The following AFAP1 variants were observed in gnomAD, a reference collection of about 807,000 sequenced individuals.
AFAP1 encodes actin filament associated protein 1.
In AFAP1, 75 loss-of-function variants were observed where a neutral mutation model predicts 93.9. The ratio of observed to expected loss-of-function variants is 0.80; its 90% CI spans 0.66 to 0.97. The LOEUF is 0.97. Ranked by LOEUF, AFAP1 falls within the 50% of genes least tolerant of loss-of-function variation. AFAP1 has a pLI of 0.00. For missense variants in AFAP1, 1,201 were observed against 1,050.8 expected, an observed-to-expected ratio of 1.14 and a Z score of -1.98; for synonymous variants, 517 against 430.7, an observed-to-expected ratio of 1.20 and a Z score of -2.48.
At chr4:7,765,021 G>T (rs1714359986) in intron 17 of AFAP1, among the ~76,000 whole-genome samples, 1 of 152,180 alleles carries the variant, frequency 6.6e-6, no homozygotes, top group Non-Finnish European at 1.5e-5. Flanking sequence ...CGAGAGGATT[G>T]CTTGAGCCCA....
At chr4:7,890,234 G>A (rs1357284846) in intron 1 of AFAP1, among the ~76,000 whole-genome samples, 2 of 152,012 alleles carry the variant, frequency 1.3e-5, no homozygotes, top group Non-Finnish European at 2.9e-5. Flanking sequence ...ACACATAAAC[G>A]GTCAACTGAC....
chr4:7,821,086 C>T (rs1038819876), intron 6 of AFAP1, among the ~76,000 whole-genome samples: 5 of 152,162 alleles, frequency 3.3e-5, no homozygotes, highest in African/African-American at 1.2e-4. Context: ...CCACTGCACT[C>T]CAGCCTGGGC....
In AFAP1 at chr4:7,939,318, G is replaced by C. The variant is rs572339253; in HGVS notation, c.-3+338C>G. The C allele has an allele frequency of 3.2e-6, 1 of 315,474 alleles. No homozygotes were observed. The highest frequency in any genetic ancestry group is 2.4e-5 in the South Asian group (1 of 42,512). The allele number at this position is 315,474 out of a possible 1,614,324, so 19.5% of individuals were successfully genotyped here. On this transcript the variant is annotated intron_variant, in intron 1 of 17. Coordinates refer to ENST00000420658, the MANE Select transcript of AFAP1 (RefSeq NM_001134647.2). This position sits in a 1 kb window ranked among gnomAD's most constrained non-coding sequence, Gnocchi z 5.6. ...TGGTGACCCGGACCCCGCCCCACGA[G>C]TGGGTCTTCGCAGGGCCCCCTCTGA... is the stretch of plus-strand genomic sequence containing the variant.
Position 7,763,315 on chromosome 4 carries a change from C to T in AFAP1, c.*450G>A, listed in dbSNP as rs561644182. ...TGGCCCTCCTGGTGGGCGTGCAAGG[C>T]GAGCCCAGTGCCCATGGCCAGCCAC... On this transcript the variant is annotated 3_prime_UTR_variant, in exon 18 of 18. Transcript: ENST00000420658. 146 of 175,008 alleles carry T rather than the reference C, an allele frequency of 8.3e-4. 1 individual carries two copies. The highest frequency in any genetic ancestry group is 1.1e-3 in the Non-Finnish European group (92 of 85,652). The allele number at this position is 175,008 out of a possible 1,614,324, so 10.8% of individuals were successfully genotyped here.
intron 1 of AFAP1, among the ~76,000 whole-genome samples, chr4:7,893,363 G>A (rs1368529476): frequency 6.6e-6 from 1 of 152,126 alleles, no homozygotes; most frequent in East Asian, 1.9e-4. Flanking sequence ...GGCGGATCAC[G>A]ACGTTAGGAG....
chr4:7,797,975 G>A (rs1013521932), intron 10 of AFAP1, among the ~76,000 whole-genome samples: 15 of 152,204 alleles, frequency 9.9e-5, no homozygotes, highest in African/African-American at 2.2e-4. Context: ...GGTGAAGGGC[G>A]CACAGGCATC....
At chr4:7,915,206 C>A (rs73214041) in intron 1 of AFAP1, among the ~76,000 whole-genome samples, 46,722 of 149,850 alleles carry the variant, frequency 0.31, 8,972 homozygotes, top group Non-Finnish European at 0.44. Flanking sequence ...TACATTCCCC[C>A]CTACGGTGCG....
intron 8 of AFAP1, among the ~76,000 whole-genome samples, chr4:7,812,592 C>CA (rs1720143317): frequency 6.6e-6 from 1 of 152,044 alleles, no homozygotes; most frequent in South Asian, 2.1e-4. Flanking sequence ...AAGAAAAACT[C>CA]AACACTCAGA....
At position 7,778,794 on chromosome 4, in the gene AFAP1, T is replaced by A. The variant is rs748702939; in HGVS notation, c.1865A>T (p.Asp622Val). The change falls in exon 14 of 18, where the codon GAT becomes GTT. Residue 622 changes from aspartate (D) to valine (V), a missense_variant. Asp to Val is a radical substitution (Grantham distance 152, BLOSUM62 -3). Transcript: ENST00000420658. ...CGTCCTTTTCACAACAGCCGCGGGA[T>A]CCGCTTTCTTTGGCTGACTGCTCAG... ...KTLSSQPKKA[D>V]PAAVVKRTGS... 6.2e-7 allele frequency: 1 copy of A among 1,614,088 alleles called. No homozygotes were observed. Among genetic ancestry groups the A allele is most frequent in the African/African-American group, 1.3e-5 (1 of 74,922 alleles).
At chr4:7,834,281 A>G (rs1712007817) in intron 6 of AFAP1, among the ~76,000 whole-genome samples, 1 of 152,232 alleles carries the variant, frequency 6.6e-6, no homozygotes. Context: ...GTGGGAGCTA[A>G]GCTATGAGGA....
chr4:7,793,508 T>C (rs916589939), intron 11 of AFAP1, among the ~76,000 whole-genome samples, 173 bp downstream of exon 11: 2 of 152,232 alleles, frequency 1.3e-5, no homozygotes, highest in Non-Finnish European at 2.9e-5. Flanking sequence ...GAAAACCCAG[T>C]GGGCTGACAC....
intron 4 of AFAP1, 70 bp from the exon 5 acceptor site, chr4:7,843,420 C>T: frequency 1.4e-6 from 2 of 1,380,970 alleles, no homozygotes; most frequent in African/African-American, 1.5e-5. Flanking sequence ...GGCTCAAGAG[C>T]ACGTCCTCTT....
chr4:7,912,065 A>G (rs905063247), intron 1 of AFAP1, among the ~76,000 whole-genome samples: 3 of 152,250 alleles, frequency 2.0e-5, no homozygotes, highest in Admixed American at 1.3e-4. Context: ...AAGTCCACAC[A>G]GACCCAGGAT....
At chr4:7,793,552 T>C in intron 11 of AFAP1, 129 bp downstream of exon 11, 1 of 1,103,034 alleles carries the variant, frequency 9.1e-7, no homozygotes. Flanking sequence ...TGGCTTAAGA[T>C]AATGCAAAAG....
chr4:7,820,635 T>C (rs1720893391), intron 6 of AFAP1, among the ~76,000 whole-genome samples: 1 of 152,008 alleles, frequency 6.6e-6, no homozygotes, highest in Non-Finnish European at 1.5e-5. Flanking sequence ...CGTGACTCCC[T>C]AAGGGAAGCG....
intron 3 of AFAP1, among the ~76,000 whole-genome samples, chr4:7,862,903 G>A (rs529216230): frequency 2.6e-5 from 4 of 152,162 alleles, no homozygotes; most frequent in Admixed American, 6.5e-5. Flanking sequence ...CTGAAGAAGG[G>A]TGGGGGAGCA....
At chr4:7,882,969 G>C (rs1341051696) in intron 1 of AFAP1, among the ~76,000 whole-genome samples, 1 of 152,040 alleles carries the variant, frequency 6.6e-6, no homozygotes, top group African/African-American at 2.4e-5. Flanking sequence ...CAGATTGCTT[G>C]AGCCAGCGAG....
Position 7,855,648 on chromosome 4 carries a change from G to C in AFAP1, c.226-74C>G, listed in dbSNP as rs913979553. On this transcript the variant is annotated intron_variant, in intron 3 of 17. Coordinates refer to ENST00000420658, the MANE Select transcript of AFAP1 (RefSeq NM_001134647.2). ...GGAAATTCTGGATTTCCAATTAACA[G>C]GTGTGGCCAGTCTTTTCCTCTTTCC... is the stretch of plus-strand genomic sequence containing the variant. 16 of 1,168,928 alleles carry C rather than the reference G, an allele frequency of 1.4e-5. No homozygotes were observed. The Admixed American group carries it at 2.5e-4, about 18-fold the overall frequency. The allele number at this position is 1,168,928 out of a possible 1,614,324, so 72.4% of individuals were successfully genotyped here.
intron 2 of AFAP1, among the ~76,000 whole-genome samples, chr4:7,871,671 C>A (rs976564306): frequency 6.6e-6 from 1 of 152,160 alleles, no homozygotes; most frequent in Non-Finnish European, 1.5e-5. Flanking sequence ...CAACCTGATG[C>A]CAAGTCCCGT....
Sources: allele counts gnomAD v4.1 joint callset (sites outside exome capture counted in the v4.1 genomes callset), GRCh38; gene constraint gnomAD v4.1.1; non-coding constraint Gnocchi (gnomAD v3.1); transcripts MANE v1.5; gene names NCBI Gene and HGNC (gene_info 2026-07-23, HGNC 2026-07-21).